USP15: variants seen among roughly 807,000 people sequenced by gnomAD.
USP15 encodes ubiquitin specific peptidase 15, also known as ubiquitin carboxyl-terminal hydrolase 15.
USP15 carries 18 observed loss-of-function variants against 127.1 expected under a neutral mutation model. That is an observed-to-expected ratio of 0.14 (90% confidence interval 0.10 to 0.21). The LOEUF (loss-of-function observed/expected upper bound fraction) is 0.21. USP15 is among the 10% of genes least tolerant of loss of function. USP15 has a pLI of 1.00. For synonymous variants in USP15, 364 were observed against 393.7 expected (o/e 0.92, Z 0.89); for missense variants, 805 against 1,159.9 (o/e 0.69, Z 4.44).
At chr12:62,269,941 T>C (rs2063307750) in intron 1 of USP15, among the ~76,000 whole-genome samples, 1 of 152,150 alleles carries the variant, frequency 6.6e-6, no homozygotes, top group African/African-American at 2.4e-5. Context: ...CCTGTTTAAC[T>C]TTTTAAGGAA....
chr12:62,394,837 G>A (rs1167691965), intron 19 of USP15, among the ~76,000 whole-genome samples: 2 of 149,968 alleles, frequency 1.3e-5, no homozygotes, highest in African/African-American at 4.9e-5. Context: ...TGGCGACAGA[G>A]CGAGACTCCC....
At chr12:62,289,696 T>TG (rs1395700063) in intron 1 of USP15, among the ~76,000 whole-genome samples, 19 of 136,336 alleles carry the variant, frequency 1.4e-4, no homozygotes, top group South Asian at 5.0e-4. Context: ...AGGTTGTTAA[T>TG]TTGTGTGTGT....
At position 62,325,931 on chromosome 12, in the gene USP15, T is replaced by C. The variant is rs892940514; in HGVS notation, c.681T>C (p.Pro227=). Reference sequence around the variant, plus strand: ...CATGGCCAAGGGGTCCTTCTACTCCTAAGTAAGTGCTCCCACTTCTTATGG... The same window carrying C: ...CATGGCCAAGGGGTCCTTCTACTCCCAAGTAAGTGCTCCCACTTCTTATGG... ...DGTWPRGPST[P]KSPGASNFST... The change falls in exon 6 of 22, where the codon CCT becomes CCC. Residue 227 remains proline, a splice_region_variant and synonymous_variant. Coordinates refer to ENST00000280377, the MANE Select transcript of USP15 (RefSeq NM_001252078.2). 1.2e-6 allele frequency: 2 copies of C among 1,608,786 alleles called. No homozygotes were observed. The highest frequency in any genetic ancestry group is 2.7e-5 in the African/African-American group (2 of 74,798).
intron 1 of USP15, among the ~76,000 whole-genome samples, chr12:62,266,617 A>G (rs2063198198): frequency 6.6e-6 from 1 of 152,152 alleles, no homozygotes. Flanking sequence ...ATTATTGACA[A>G]AAGTAAATTG....
rs1177454966 is a variant in USP15 at position 62,408,323 on chromosome 12, A to C, written c.*3948A>C. The C allele has an allele frequency of 7.7e-6, 1 of 129,222 alleles. No homozygotes were observed. The highest frequency in any genetic ancestry group is 2.5e-5 in the African/African-American group (1 of 40,540). 8.0% of individuals were successfully genotyped at this position (129,222 alleles called of 1,614,324 possible). A position where few individuals can be genotyped will look rare whatever the true frequency, so the allele number is the denominator to read the frequency against. On this transcript the variant is annotated 3_prime_UTR_variant, in exon 22 of 22. Transcript: ENST00000280377. Reference sequence around the variant, plus strand: ...ATGCATTTCATTATTGCCTACTTCCAACTCTCCCTATGTAGTATGTTTCTG... The same window carrying C: ...ATGCATTTCATTATTGCCTACTTCCCACTCTCCCTATGTAGTATGTTTCTG...
At chr12:62,325,820 T>C (rs1425906165) in intron 5 of USP15, 52 bp from the exon 6 acceptor site, 2 of 1,461,068 alleles carry the variant, frequency 1.4e-6, no homozygotes, top group East Asian at 2.3e-5. Context: ...TCTAAAGTTA[T>C]TTTAACTTCA....
rs1168694648 is a variant in USP15 at position 62,416,079 on chromosome 12, C to T, written c.*11704C>T. 7 of 152,218 alleles carry T rather than the reference C, an allele frequency of 4.6e-5. No individual in the cohort carries two copies. The highest frequency in any genetic ancestry group is 4.6e-4 in the Admixed American group (7 of 15,280). 9.4% of individuals were successfully genotyped at this position (152,218 alleles called of 1,614,324 possible). A position where few individuals can be genotyped will look rare whatever the true frequency, so the allele number is the denominator to read the frequency against. On this transcript the variant is annotated 3_prime_UTR_variant, in exon 22 of 22. Transcript: ENST00000280377. ...AAAAAAAGTAAGAATTTGCCCTCAT[C>T]TAATTCCTCACTTGCCCTCAAACAT...
chr12:62,346,526 T>C (rs1430409460), intron 6 of USP15, among the ~76,000 whole-genome samples: 2 of 152,212 alleles, frequency 1.3e-5, no homozygotes, highest in Non-Finnish European at 1.5e-5. Flanking sequence ...CCATGGACTA[T>C]ACTTTGAGAA....
At chr12:62,320,828 A>G (rs1565851463) in intron 4 of USP15, among the ~76,000 whole-genome samples, 1 of 152,106 alleles carries the variant, frequency 6.6e-6, no homozygotes, top group Non-Finnish European at 1.5e-5. Flanking sequence ...TATATCATAA[A>G]ATATTTTGAT....
In USP15 at chr12:62,339,192, G is replaced by A. The variant is rs186508922; in HGVS notation, c.684-10029G>A. ...TCACTCATGATTTGGCTCTCTGCTT[G>A]TCTATTTTCGGTGTATAGGAATGCT... On this transcript the variant is annotated intron_variant, in intron 6 of 21. Transcript: ENST00000280377. 1.3e-3 allele frequency among the ~76,000 whole-genome samples: 198 copies of A among 152,098 alleles called. 1 individual carries two copies. Among genetic ancestry groups the A allele is most frequent in the Middle Eastern group, 3.4e-3 (1 of 294 alleles).
chr12:62,295,625 T>TA (rs1354906276), intron 2 of USP15, among the ~76,000 whole-genome samples: 2 of 151,968 alleles, frequency 1.3e-5, no homozygotes, highest in Non-Finnish European at 2.9e-5. Context: ...ATGAGACAAA[T>TA]ACAAAATTAA....
At chr12:62,283,090 C>G (rs1266593611) in intron 1 of USP15, among the ~76,000 whole-genome samples, 1 of 152,150 alleles carries the variant, frequency 6.6e-6, no homozygotes, top group Non-Finnish European at 1.5e-5. Context: ...AACTGAAGAT[C>G]AGAGTCTACC....
chr12:62,288,809 A>G (rs2063861295), intron 1 of USP15, among the ~76,000 whole-genome samples: 1 of 151,900 alleles, frequency 6.6e-6, no homozygotes, highest in Non-Finnish European at 1.5e-5. Flanking sequence ...GAGATGTTGA[A>G]TTTTACCAGA....
At chr12:62,290,354 C>A (rs1203658290) in intron 1 of USP15, among the ~76,000 whole-genome samples, 1 of 151,974 alleles carries the variant, frequency 6.6e-6, no homozygotes, top group Non-Finnish European at 1.5e-5. Flanking sequence ...TGAATTGATC[C>A]CTTTATAATA....
chr12:62,389,805 T>G lies in USP15; in HGVS notation c.1661T>G (p.Ile554Ser). The change falls in exon 14 of 22, where the codon ATT becomes AGT. Residue 554 changes from isoleucine to serine, a missense_variant. Physicochemically the swap from Ile to Ser is moderately radical, Grantham distance 142. Coordinates refer to ENST00000280377, the MANE Select transcript of USP15 (RefSeq NM_001252078.2). Reference sequence around the variant, plus strand: ...CAGTTTTGTCCTTGTAGGTTTGAAATTAACATCAATAGGACAGAAGATACA... The same window carrying G: ...CAGTTTTGTCCTTGTAGGTTTGAAAGTAACATCAATAGGACAGAAGATACA... ...MERDDIYVFEININRTEDTEH... is the reference protein window; with the variant it reads ...MERDDIYVFESNINRTEDTEH... 1 of 1,608,648 alleles carries G rather than the reference T, an allele frequency of 6.2e-7. No homozygotes were observed. The highest frequency in any genetic ancestry group is 2.2e-5 in the East Asian group (1 of 44,730).
At chr12:62,376,237 A>G (rs7953964) in intron 8 of USP15, among the ~76,000 whole-genome samples, 6,951 of 152,190 alleles carry the variant, frequency 0.046, 229 homozygotes, top group South Asian at 0.092. Context: ...CCTAGTTAAT[A>G]AGTACATTTA....
chr12:62,274,255 GAGGCCCTGGC>G (rs2063417782), intron 1 of USP15: 1 of 152,298 alleles, frequency 6.6e-6, no homozygotes, highest in African/African-American at 2.4e-5. Context: ...AACACTTTGA[GAGGCCCTGGC>G]AGGAGGATCA....
At chr12:62,296,045 A>G (rs768951355) in intron 2 of USP15, among the ~76,000 whole-genome samples, 4 of 152,222 alleles carry the variant, frequency 2.6e-5, no homozygotes, top group East Asian at 1.9e-4. Flanking sequence ...AAGAGGGTCA[A>G]TATGTCATTG....
At chr12:62,263,553 A>G (rs1194727703) in intron 1 of USP15, among the ~76,000 whole-genome samples, 2 of 152,212 alleles carry the variant, frequency 1.3e-5, no homozygotes, top group African/African-American at 4.8e-5. Flanking sequence ...TTTTCTAGAG[A>G]TGAAAATAAG....
Sources: allele counts gnomAD v4.1 joint callset (sites outside exome capture counted in the v4.1 genomes callset), GRCh38; gene constraint gnomAD v4.1.1; transcripts MANE v1.5; gene names NCBI Gene and HGNC (gene_info 2026-07-23, HGNC 2026-07-21).